The following STAM variants were observed in gnomAD, a reference collection of about 807,000 sequenced individuals.
STAM encodes signal transducing adaptor molecule.
A neutral mutation model predicts 63.4 loss-of-function variants in STAM; 16 were observed. The observed-to-expected ratio is 0.25, with a 90% confidence interval of 0.17 to 0.38. The LOEUF (loss-of-function observed/expected upper bound fraction) is 0.38, where lower values mean the gene tolerates loss of function less well. Ranked by LOEUF, STAM falls within the 10% of genes least tolerant of loss-of-function variation. STAM has a pLI of 1.00. For missense variants in STAM, 636 were observed against 657.1 expected (o/e 0.97, Z 0.35); for synonymous variants, 238 against 223.9 (o/e 1.06, Z -0.56).
chr10:17,645,448 C>T (rs1324604576), intron 1 of STAM, among the ~76,000 whole-genome samples: 1 of 152,152 alleles, frequency 6.6e-6, no homozygotes, highest in Non-Finnish European at 1.5e-5. Flanking sequence ...AAAGTTCACT[C>T]CTTACCTCTG....
At position 17,716,246 on chromosome 10, in the gene STAM, T is replaced by G. The variant is rs570964835; in HGVS notation, c.*1466T>G. On this transcript the variant is annotated 3_prime_UTR_variant, in exon 14 of 14. Transcript: ENST00000377524. ...AAATTTCATTTTTATTTTCTAAGACTGTTGTAATCAGGTAGCTTGTTTATT... is the reference window on the plus strand; with the variant it reads ...AAATTTCATTTTTATTTTCTAAGACGGTTGTAATCAGGTAGCTTGTTTATT... Among the ~76,000 whole-genome samples the G allele has an allele frequency of 6.6e-6, 1 of 152,222 alleles. No individual in the cohort carries two copies. Among genetic ancestry groups the G allele is most frequent in the African/African-American group, 2.4e-5 (1 of 41,556 alleles).
intron 2 of STAM, among the ~76,000 whole-genome samples, chr10:17,673,414 CT>C (rs1478517166): frequency 6.6e-6 from 1 of 151,962 alleles, no homozygotes; most frequent in Non-Finnish European, 1.5e-5. Context: ...TGCTCAGTGA[CT>C]TTTTTTTGAG....
chr10:17,690,204 GCTGCCCGAGT>G (rs1219567771), intron 5 of STAM, among the ~76,000 whole-genome samples: 3 of 152,140 alleles, frequency 2.0e-5, no homozygotes, highest in African/African-American at 7.2e-5. Context: ...TGTTCTTTTC[GCTGCCCGAGT>G]CTGCCTTCTT....
chr10:17,688,821 T>C (rs1233388646), intron 5 of STAM, among the ~76,000 whole-genome samples: 1 of 152,174 alleles, frequency 6.6e-6, no homozygotes, highest in African/African-American at 2.4e-5. Flanking sequence ...ACTGTCTTTT[T>C]AAATGCTCTT....
chr10:17,669,738 C>T (rs1834548293), intron 2 of STAM, among the ~76,000 whole-genome samples: 1 of 150,316 alleles, frequency 6.7e-6, no homozygotes, highest in Non-Finnish European at 1.5e-5. Context: ...CGCTCTGTCA[C>T]CCAGGCTGTA....
chr10:17,650,690 A>G (rs1833701605), intron 1 of STAM, among the ~76,000 whole-genome samples: 1 of 152,132 alleles, frequency 6.6e-6, no homozygotes, highest in African/African-American at 2.4e-5. Flanking sequence ...CCCTGCTTCC[A>G]GTTTTTCCCT....
intron 6 of STAM, 127 bp downstream of exon 6, chr10:17,693,439 A>T (rs2131653040): frequency 2.9e-6 from 2 of 685,674 alleles, no homozygotes; most frequent in South Asian, 4.9e-5. Flanking sequence ...CCTCCTCAGT[A>T]TTCTTTGCTT....
chr10:17,670,022 G>C (rs893316078), intron 2 of STAM, among the ~76,000 whole-genome samples: 16 of 151,604 alleles, frequency 1.1e-4, no homozygotes, highest in African/African-American at 2.7e-4. Flanking sequence ...GAGCCACTGC[G>C]CCCAGCTGGG....
At chr10:17,659,743 A>T (rs1200858039) in intron 1 of STAM, among the ~76,000 whole-genome samples, 4 of 152,112 alleles carry the variant, frequency 2.6e-5, no homozygotes, top group African/African-American at 9.7e-5. Flanking sequence ...GATTACAGGC[A>T]TGAGCCATCC....
intron 2 of STAM, among the ~76,000 whole-genome samples, chr10:17,670,819 A>C (rs1834608949): frequency 1.5e-5 from 2 of 137,028 alleles, no homozygotes; most frequent in South Asian, 4.4e-4. Flanking sequence ...CATTAAGGGA[A>C]TAATTTGATA....
rs782346668 is a variant in STAM, at chr10:17,693,225, G to C, written c.448G>C (p.Ala150Pro). 1 of 1,612,686 alleles carries C rather than the reference G, an allele frequency of 6.2e-7. No homozygotes were observed. Among genetic ancestry groups the C allele is most frequent in the South Asian group, 1.1e-5 (1 of 90,830 alleles). Residue 150 changes from alanine to proline, a missense_variant, in exon 6 of 14, where the codon GCA becomes CCA. Physicochemically the swap from Ala to Pro is conservative, Grantham distance 27. This residue lies in a region of STAM where 532 missense variants were observed against 536.9 expected (regional missense o/e 0.99). Transcript: ENST00000377524. ...CTGTGTTCCTCTTTTTTGTTAGGCTGCAGAACAAGCAAAAGCAAGCCCAGC... is the reference window on the plus strand; with the variant it reads ...CTGTGTTCCTCTTTTTTGTTAGGCTCCAGAACAAGCAAAAGCAAGCCCAGC... ...VTFPAIGSQAAEQAKASPALV... is the reference protein window; with the variant it reads ...VTFPAIGSQAPEQAKASPALV...
At chr10:17,664,585 G>T (rs1001492083) in intron 2 of STAM, among the ~76,000 whole-genome samples, 2 of 152,146 alleles carry the variant, frequency 1.3e-5, no homozygotes, top group African/African-American at 2.4e-5. Context: ...ATGTTGAACA[G>T]TATTGTAGGC....
In STAM at chr10:17,708,844, G is replaced by A. The variant is rs1836420371; in HGVS notation, c.1278G>A (p.Gln426=). 1.9e-6 allele frequency: 3 copies of A among 1,614,192 alleles called. No individual in the cohort carries two copies. Among genetic ancestry groups the A allele is most frequent in the Non-Finnish European group, 2.5e-6 (3 of 1,180,028 alleles). The part of the protein sequence containing the change: ...VAGNAQMSHL[Q]SYSLPPEQLS... ...GGAACGCGCAGATGAGCCACCTCCA[G>A]AGCTACAGTCTTCCCCCGGAGCAGC... The change falls in exon 13 of 14, where the codon CAG becomes CAA. Residue 426 remains glutamine (Q), a synonymous_variant. Coordinates refer to ENST00000377524, the MANE Select transcript of STAM (RefSeq NM_003473.4).
chr10:17,695,749 C>T (rs1835729812), intron 7 of STAM: 2 of 152,138 alleles, frequency 1.3e-5, no homozygotes, highest in Non-Finnish European at 2.9e-5. Context: ...GTTACTGATG[C>T]TTGTTACTGA....
intron 2 of STAM, among the ~76,000 whole-genome samples, chr10:17,667,596 G>T (rs944132889): frequency 5.9e-5 from 9 of 152,220 alleles, no homozygotes; most frequent in African/African-American, 2.2e-4. Flanking sequence ...GAATAAAGCA[G>T]GCATAGCCTT....
chr10:17,646,313 C>G (rs986990292), intron 1 of STAM, among the ~76,000 whole-genome samples: 1 of 152,048 alleles, frequency 6.6e-6, no homozygotes, highest in Non-Finnish European at 1.5e-5. Flanking sequence ...CCGGTGACAC[C>G]CAGCCCCCAC....
Position 17,714,776 on chromosome 10 carries a change from T to A in STAM, c.1619T>A (p.Leu540Gln). The A allele has an allele frequency of 6.2e-7, 1 of 1,613,996 alleles. No homozygotes were observed. The highest frequency in any genetic ancestry group is 8.5e-7 in the Non-Finnish European group (1 of 1,179,900). The change falls in exon 14 of 14, where the codon CTA (leucine) becomes CAA (glutamine). Residue 540 changes from leucine to glutamine, a missense_variant. Transcript: ENST00000377524. ...PQQPYSQKALL is the reference protein window; with the variant it reads ...PQQPYSQKALQ Reference sequence around the variant, plus strand: ...CAACCATATTCTCAGAAGGCTCTGCTATAGGACCCGGTGTTCCTCTTGGTG... The same window carrying A: ...CAACCATATTCTCAGAAGGCTCTGCAATAGGACCCGGTGTTCCTCTTGGTG...
chr10:17,697,607 G>C (rs1241272620), intron 8 of STAM, among the ~76,000 whole-genome samples: 1 of 152,186 alleles, frequency 6.6e-6, no homozygotes, highest in Non-Finnish European at 1.5e-5. Context: ...TAGCTACATA[G>C]TCGGTCAAAG....
At chr10:17,682,123 C>A (rs11254723) in intron 2 of STAM, among the ~76,000 whole-genome samples, 18,337 of 152,150 alleles carry the variant, frequency 0.12, 1,235 homozygotes, top group South Asian at 0.18. Flanking sequence ...ATCACCCCAA[C>A]CAAGATAGCA....
Sources: allele counts gnomAD v4.1 joint callset (sites outside exome capture counted in the v4.1 genomes callset), GRCh38; gene constraint gnomAD v4.1.1; regional missense constraint gnomAD v4.1.1; transcripts MANE v1.5; gene names NCBI Gene and HGNC (gene_info 2026-07-23, HGNC 2026-07-21).